The following VPS41 variants were observed in gnomAD, a reference collection of about 807,000 sequenced individuals.
VPS41 encodes VPS41 subunit of HOPS complex, also known as vacuolar protein sorting-associated protein 41 homolog.
Under a neutral mutation model 130.9 loss-of-function variants are expected in VPS41, and 85 were observed. The ratio of observed to expected loss-of-function variants is 0.65; its 90% CI spans 0.55 to 0.78. VPS41 has a LOEUF of 0.78. VPS41 is among the 30% of genes least tolerant of loss of function. The pLI, the probability that VPS41 is intolerant of heterozygous loss-of-function variation, is 0.00. For missense variants in VPS41, 874 were observed against 1,018.7 expected, an observed-to-expected ratio of 0.86 and a Z score of 1.93; for synonymous variants, 335 against 332.9, an observed-to-expected ratio of 1.01 and a Z score of -0.07.
At chr7:38,754,631 G>A (rs551531904) in intron 21 of VPS41, 71 bp downstream of exon 21, 17 of 1,256,334 alleles carry the variant, frequency 1.4e-5, no homozygotes, top group East Asian at 2.3e-5. Flanking sequence ...TATCCTCCTC[G>A]CACCAATACT....
chr7:38,848,116 T>C (rs963748751), intron 4 of VPS41, among the ~76,000 whole-genome samples: 4 of 152,232 alleles, frequency 2.6e-5, no homozygotes, highest in Non-Finnish European at 5.9e-5. Context: ...ATTAAATCAT[T>C]TTCCAAGCAG....
At chr7:38,732,968 C>T (rs550354306) in intron 25 of VPS41, among the ~76,000 whole-genome samples, 13 of 152,336 alleles carry the variant, frequency 8.5e-5, no homozygotes, top group African/African-American at 2.9e-4. Flanking sequence ...GCTGGGACCA[C>T]AGGCATGAGC....
At chr7:38,758,509 A>G (rs764162621) in intron 17 of VPS41, 28 bp from the exon 18 acceptor site, 23 of 1,597,336 alleles carry the variant, frequency 1.4e-5, no homozygotes, top group Admixed American at 8.9e-5. Flanking sequence ...ACAGAAAAAG[A>G]ACACTCATTC....
intron 25 of VPS41, among the ~76,000 whole-genome samples, chr7:38,739,489 T>C (rs58454657): frequency 0.037 from 5,647 of 152,312 alleles, 348 homozygotes; most frequent in African/African-American, 0.13. Context: ...TGAACCCTAA[T>C]AGGTTGCCTA....
intron 4 of VPS41, among the ~76,000 whole-genome samples, chr7:38,859,765 T>C (rs1326096670): frequency 6.6e-6 from 1 of 152,198 alleles, no homozygotes; most frequent in African/African-American, 2.4e-5. Flanking sequence ...GATTATACTA[T>C]GATTAATGTG....
At chr7:38,771,501 A>G (rs2115841150) in intron 13 of VPS41, among the ~76,000 whole-genome samples, 1 of 152,332 alleles carries the variant, frequency 6.6e-6, no homozygotes, top group East Asian at 1.9e-4. Context: ...ACCAAAATGA[A>G]GACTTCTCCC....
At chr7:38,810,562 T>C (rs796084599) in intron 7 of VPS41, among the ~76,000 whole-genome samples, 106 of 152,320 alleles carry the variant, frequency 7.0e-4, no homozygotes, top group African/African-American at 2.3e-3. Context: ...TTAGTTCCTC[T>C]AGTCTCTGTG....
At chr7:38,882,907 C>G (rs1016310356) in intron 2 of VPS41, among the ~76,000 whole-genome samples, 1 of 152,182 alleles carries the variant, frequency 6.6e-6, no homozygotes, top group Non-Finnish European at 1.5e-5. Flanking sequence ...AGTGATCCTA[C>G]TAAAACAAAG....
intron 7 of VPS41, among the ~76,000 whole-genome samples, chr7:38,810,542 A>G (rs191488915): frequency 4.9e-4 from 74 of 152,176 alleles, no homozygotes; most frequent in Non-Finnish European, 1.2e-4. Context: ...GTGGTCCTCT[A>G]TTTTTCTACT....
intron 4 of VPS41, among the ~76,000 whole-genome samples, chr7:38,838,919 T>C (rs1785551962): frequency 6.6e-6 from 1 of 152,238 alleles, no homozygotes; most frequent in African/African-American, 2.4e-5. Flanking sequence ...TCATCCCACC[T>C]TAAGCTATCA....
chr7:38,851,433 G>T (rs1441954838), intron 4 of VPS41, among the ~76,000 whole-genome samples: 3 of 152,194 alleles, frequency 2.0e-5, no homozygotes, highest in African/African-American at 7.2e-5. Flanking sequence ...GTAGCCTTTT[G>T]AATCTGCCTT....
intron 24 of VPS41, among the ~76,000 whole-genome samples, chr7:38,742,658 C>T (rs1021453187): frequency 3.3e-5 from 5 of 151,676 alleles, no homozygotes; most frequent in Non-Finnish European, 5.9e-5. Flanking sequence ...ACTACTTTAT[C>T]TTGCTAGTTA....
At chr7:38,739,866 T>C (rs1228544190) in intron 25 of VPS41, among the ~76,000 whole-genome samples, 1 of 152,218 alleles carries the variant, frequency 6.6e-6, no homozygotes, top group African/African-American at 2.4e-5. Context: ...AAAGCTCTAA[T>C]TAAGAAAAAA....
intron 7 of VPS41, among the ~76,000 whole-genome samples, chr7:38,810,497 C>G (rs1259461938): frequency 6.6e-6 from 1 of 152,166 alleles, no homozygotes; most frequent in Non-Finnish European, 1.5e-5. Flanking sequence ...AGACATCTCT[C>G]TCAAATTTTC....
intron 7 of VPS41, among the ~76,000 whole-genome samples, chr7:38,798,171 C>T (rs2115996544): frequency 6.6e-6 from 1 of 152,286 alleles, no homozygotes; most frequent in East Asian, 1.9e-4. Context: ...CTCTTCCTCC[C>T]ATTTGCAGAA....
intron 4 of VPS41, among the ~76,000 whole-genome samples, chr7:38,832,319 C>CTTTTTTTTTTT (rs543207806): frequency 1.7e-4 from 20 of 114,738 alleles, no homozygotes; most frequent in Non-Finnish European, 3.0e-4. Flanking sequence ...TTCTTTCTTT[C>CTTTTTTTTTTT]TTTTTTTTTT....
intron 19 of VPS41, 92 bp from the exon 20 acceptor site, chr7:38,755,028 G>A (rs1783761562): frequency 8.6e-7 from 1 of 1,166,586 alleles, no homozygotes; most frequent in Non-Finnish European, 1.3e-6. Flanking sequence ...ACAGTTCACA[G>A]GTGGAAGGCT....
Position 38,789,823 on chromosome 7 carries a change from C to T in VPS41, c.762G>A (p.Leu254=). ...TACCTATTTCAACATATCGACTTGG[C>T]AAATCCCTCATTTCACTGGCATGCC... The part of the protein sequence containing the change: ...KERHASEMRD[L]PSRYVEIVSQ... The change falls in exon 10 of 29, where the codon TTG becomes TTA. Residue 254 remains leucine, a synonymous_variant. Coordinates refer to ENST00000310301, the MANE Select transcript of VPS41 (RefSeq NM_014396.4). The T allele has an allele frequency of 1.2e-6, 2 of 1,613,666 alleles. No homozygotes were observed. Among genetic ancestry groups the T allele is most frequent in the Non-Finnish European group, 1.7e-6 (2 of 1,179,680 alleles).
chr7:38,894,332 A>C (rs1185851278), intron 2 of VPS41, among the ~76,000 whole-genome samples: 2 of 152,178 alleles, frequency 1.3e-5, no homozygotes, highest in Admixed American at 1.3e-4. Flanking sequence ...TACAAGGCCT[A>C]AACCTGGTCC....
Sources: gnomAD v4.1 joint callset for allele counts (sites outside exome capture counted in the v4.1 genomes callset) on GRCh38, gnomAD v4.1.1 for gene constraint, MANE v1.5 for transcripts, NCBI Gene and HGNC (gene_info 2026-07-23, HGNC 2026-07-21) for gene names.